Variants in LCORL observed in about 807,000 individuals in gnomAD.
LCORL encodes ligand-dependent nuclear receptor corepressor-like protein.
Under a neutral mutation model 141.8 loss-of-function variants are expected in LCORL, and 41 were observed. The observed-to-expected ratio is 0.29, with a 90% CI of 0.23 to 0.38. The LOEUF is 0.38. Among genes scored for constraint, LCORL ranks in the 10% least tolerant of loss-of-function variants. The pLI, the probability that LCORL is intolerant of heterozygous loss-of-function variation, is 1.00. For synonymous variants in LCORL, 618 were observed against 694.1 expected (o/e 0.89, Z 1.72); for missense variants, 1,759 against 2,035.0 (o/e 0.86, Z 2.61).
exon 7 of LCORL, chr4:17,875,914 T>C: frequency 3.2e-6 from 4 of 1,231,294 alleles, no homozygotes; most frequent in Non-Finnish European, 4.1e-6. Flanking sequence ...AAAGTATCAG[T>C]ATCATAATGA....
At chr4:17,943,687 A>G (rs1328415711) in intron 4 of LCORL, among the ~76,000 whole-genome samples, 1 of 152,218 alleles carries the variant, frequency 6.6e-6, no homozygotes, top group Non-Finnish European at 1.5e-5. Flanking sequence ...ATTTCTTTTT[A>G]TTCTACAGAT....
chr4:17,989,302 T>C (rs1436097951), intron 1 of LCORL, among the ~76,000 whole-genome samples: 2 of 152,362 alleles, frequency 1.3e-5, no homozygotes, highest in South Asian at 2.1e-4. Context: ...ACTATACTTG[T>C]CATAGATTTT....
chr4:18,014,051 G>A (rs565953511), intron 1 of LCORL, among the ~76,000 whole-genome samples: 46 of 152,150 alleles, frequency 3.0e-4, no homozygotes, highest in Non-Finnish European at 2.9e-4. Context: ...CAAGTGATCC[G>A]CCTGCCTCAG....
At chr4:18,005,559 C>T (rs751954872) in intron 1 of LCORL, among the ~76,000 whole-genome samples, 1 of 152,230 alleles carries the variant, frequency 6.6e-6, no homozygotes, top group Non-Finnish European at 1.5e-5. Context: ...AGCCCAGCCC[C>T]TGCAGTAAAC....
chr4:17,991,944 T>C (rs1009098721), intron 1 of LCORL, among the ~76,000 whole-genome samples: 3 of 152,100 alleles, frequency 2.0e-5, no homozygotes, highest in Non-Finnish European at 4.4e-5. Context: ...GCACACAAAG[T>C]GATGGTGAGA....
intron 7 of LCORL, among the ~76,000 whole-genome samples, chr4:17,847,775 C>T (rs1723108563): frequency 6.6e-6 from 1 of 152,220 alleles, no homozygotes; most frequent in African/African-American, 2.4e-5. Context: ...TTCCTTCCTC[C>T]AAGGACTGCT....
intron 1 of LCORL, among the ~76,000 whole-genome samples, chr4:18,003,774 C>T (rs1424571310): frequency 1.3e-5 from 2 of 152,220 alleles, no homozygotes; most frequent in African/African-American, 4.8e-5. Flanking sequence ...TACAATCACT[C>T]TATCAACTGA....
At chr4:17,876,902 A>G (rs757564407) in exon 7 of LCORL, 17 of 1,230,816 alleles carry the variant, frequency 1.4e-5, no homozygotes, top group Non-Finnish European at 1.7e-5. Flanking sequence ...ACTGTAATGC[A>G]TAATTTGGTG....
rs1383492774 is a variant in LCORL, at chr4:18,018,312, C to T, written c.154+3286G>A. Among the ~76,000 whole-genome samples, 3 of 152,110 alleles carry T rather than the reference C, an allele frequency of 2.0e-5. No individual in the cohort carries two copies. In the South Asian group the frequency reaches 6.2e-4, roughly 31 times the overall value. On this transcript the variant is annotated intron_variant, in intron 1 of 7. Transcript: ENST00000635767. ...TACTATTTACTACATCCAATAAGCA[C>T]TCGAACATTTGTGACATGAGCTACT...
At chr4:17,934,306 G>A (rs1460535389) in intron 4 of LCORL, among the ~76,000 whole-genome samples, 1 of 151,996 alleles carries the variant, frequency 6.6e-6, no homozygotes, top group Non-Finnish European at 1.5e-5. Context: ...GTGAAACTGA[G>A]GGTATGGGGG....
At chr4:17,922,033 AG>A (rs1734379562) in intron 4 of LCORL, among the ~76,000 whole-genome samples, 1 of 152,002 alleles carries the variant, frequency 6.6e-6, no homozygotes, top group African/African-American at 2.4e-5. Context: ...CCTACTTTTG[AG>A]GTTTTGGGAC....
chr4:17,911,097 A>G lies in LCORL; in HGVS notation c.431-1752T>C, dbSNP rs114851632. Among the ~76,000 whole-genome samples, 395 of 152,268 alleles carry G rather than the reference A, an allele frequency of 2.6e-3. 3 individuals are homozygous for G. The highest frequency in any genetic ancestry group is 8.9e-3 in the African/African-American group (368 of 41,546). ...TTCATTAAGACAGAAATAATAATAG[A>G]ACCTGGGATACTATTTATGGGGCTT... is the stretch of plus-strand genomic sequence containing the variant. On this transcript the variant is annotated intron_variant, in intron 4 of 7. Transcript: ENST00000635767.
chr4:17,912,074 G>A, intron 4 of LCORL: 1 of 715,076 alleles, frequency 1.4e-6, no homozygotes. Flanking sequence ...GTCAGAGACT[G>A]GAGCCATTAC....
chr4:17,938,117 G>A (rs6845118), intron 4 of LCORL, among the ~76,000 whole-genome samples: 5 of 148,430 alleles, frequency 3.4e-5, no homozygotes, highest in East Asian at 2.1e-4. Context: ...GCAATTCTCC[G>A]GCCTCAGCCT....
chr4:17,881,413 G>A (rs1727559452), intron 6 of LCORL: 1 of 954,402 alleles, frequency 1.0e-6, no homozygotes, highest in African/African-American at 1.8e-5. Context: ...CTCAATAATA[G>A]AAATGTTTTG....
rs553245941 is a variant in LCORL, at chr4:18,021,712, C to A, written c.40G>T (p.Ala14Ser). The A allele has an allele frequency of 1.2e-5, 18 of 1,527,694 alleles. No homozygotes were observed. Among genetic ancestry groups the A allele is most frequent in the East Asian group, 2.5e-5 (1 of 39,882 alleles). The allele number at this position is 1,527,694 out of a possible 1,614,324, so 94.6% of individuals were successfully genotyped here. A position where few individuals can be genotyped will look rare whatever the true frequency, so the allele number is the denominator to read the frequency against. Residue 14 changes from alanine (A) to serine (S), a missense_variant, in exon 1 of 8, where the codon GCT becomes TCT. Ala to Ser is a moderately conservative substitution (Grantham distance 99, BLOSUM62 1). Coordinates refer to ENST00000635767, the Ensembl canonical transcript of LCORL. The surrounding 1 kb of genome is among the most constrained non-coding windows in gnomAD (Gnocchi z 5.5). ...GCGGCGGCGGCGGCGGCGGCAGCAG[C>A]GGCGGCGGCAGCGGCCATTCTCTCT...
At chr4:17,861,524 T>C (rs1725013305) in intron 7 of LCORL, among the ~76,000 whole-genome samples, 1 of 152,204 alleles carries the variant, frequency 6.6e-6, no homozygotes, top group Non-Finnish European at 1.5e-5. Flanking sequence ...GAGGGGCTGC[T>C]GTGAAGACCT....
At chr4:17,886,981 A>C (rs1472674656) in intron 5 of LCORL, among the ~76,000 whole-genome samples, 1 of 152,104 alleles carries the variant, frequency 6.6e-6, no homozygotes, top group East Asian at 1.9e-4. Flanking sequence ...TGAAAGTTTT[A>C]GCTCTAAGAA....
At chr4:17,945,154 T>C (rs1447605799) in intron 4 of LCORL, among the ~76,000 whole-genome samples, 1 of 152,084 alleles carries the variant, frequency 6.6e-6, no homozygotes, top group African/African-American at 2.4e-5. Context: ...ACTTTAGAGA[T>C]AAGGGTAATT....
Sources: allele counts gnomAD v4.1 joint callset (sites outside exome capture counted in the v4.1 genomes callset), GRCh38; gene constraint gnomAD v4.1.1; non-coding constraint Gnocchi (gnomAD v3.1); transcripts MANE v1.5; gene names NCBI Gene and HGNC (gene_info 2026-07-23, HGNC 2026-07-21).